CCDC148: variants seen among roughly 807,000 people sequenced by gnomAD.
CCDC148 encodes the protein coiled-coil domain-containing protein 148.
In CCDC148, 89 loss-of-function variants were observed where a neutral mutation model predicts 85.7. The ratio of observed to expected loss-of-function variants is 1.04; its 90% CI spans 0.87 to 1.24. CCDC148 has a LOEUF of 1.24. Ranked by LOEUF, CCDC148 falls within the 50% of genes most tolerant of loss-of-function variation. CCDC148 has a pLI of 0.00. For synonymous variants in CCDC148, 230 were observed against 213.9 expected (o/e 1.08, Z -0.66); for missense variants, 692 against 671.7 (o/e 1.03, Z -0.33).
At chr2:158,414,489 C>T (rs1245019228) in intron 1 of CCDC148, among the ~76,000 whole-genome samples, 1 of 152,022 alleles carries the variant, frequency 6.6e-6, no homozygotes, top group Non-Finnish European at 1.5e-5. Flanking sequence ...AGCCTATCAC[C>T]ACAAGAATAA....
chr2:158,315,999 C>A (rs1404176190), intron 7 of CCDC148, among the ~76,000 whole-genome samples: 1 of 152,216 alleles, frequency 6.6e-6, no homozygotes, highest in African/African-American at 2.4e-5. Flanking sequence ...TCACAGCCCT[C>A]CCTCTGAGAG....
Position 158,438,319 on chromosome 2 carries a change from C to T in CCDC148, c.25+18096G>A, listed in dbSNP as rs919682367. Among the ~76,000 whole-genome samples, 10 of 152,172 alleles carry T rather than the reference C, an allele frequency of 6.6e-5. No homozygotes were observed. The South Asian group carries it at 1.0e-3, about 16-fold the overall frequency. ...AGAACAGAGCCCTCAGAAATAATGC[C>T]GCATATCTACAACCATCTGATCTTT... is the stretch of plus-strand genomic sequence containing the variant. On this transcript the variant is annotated intron_variant, in intron 1 of 13. Coordinates refer to ENST00000283233, the MANE Select transcript of CCDC148 (RefSeq NM_138803.4).
intron 10 of CCDC148, among the ~76,000 whole-genome samples, chr2:158,224,007 C>T (rs963902513): frequency 6.6e-6 from 1 of 151,922 alleles, no homozygotes; most frequent in East Asian, 1.9e-4. Context: ...AGGCTTCAGA[C>T]GATCAAACTA....
At chr2:158,436,471 A>C (rs1456516892) in intron 1 of CCDC148, among the ~76,000 whole-genome samples, 2 of 152,224 alleles carry the variant, frequency 1.3e-5, no homozygotes, top group Non-Finnish European at 2.9e-5. Context: ...GGACACATTA[A>C]AAGCAGTGTG....
At chr2:158,403,549 C>T (rs186780140) in intron 1 of CCDC148, among the ~76,000 whole-genome samples, 4 of 152,130 alleles carry the variant, frequency 2.6e-5, no homozygotes, top group African/African-American at 7.2e-5. Flanking sequence ...GGTTCAGAAA[C>T]CTGACAGAGA....
rs1683773083 is a variant in CCDC148 at position 158,358,475 on chromosome 2, A to G, written c.121T>C (p.Leu41=). ...TTTAGCTTTGCAGAGGCAGAAGCCA[A>G]TTTCTTTGCTTCAGTTAATGCACGC... ...QLRALTEAKK[L]ASASAKLKIR... Residue 41 remains leucine (L), a synonymous_variant, in exon 2 of 14, where the codon TTG becomes CTG. Transcript: ENST00000283233. The G allele has an allele frequency of 7.5e-6, 12 of 1,607,336 alleles. No individual in the cohort carries two copies. The highest frequency in any genetic ancestry group is 1.0e-5 in the Non-Finnish European group (12 of 1,177,896).
At chr2:158,357,528 G>T (rs1683724706) in intron 2 of CCDC148, among the ~76,000 whole-genome samples, 1 of 152,090 alleles carries the variant, frequency 6.6e-6, no homozygotes, top group Non-Finnish European at 1.5e-5. Flanking sequence ...AATATGAAAA[G>T]TTTTGTTAGG....
chr2:158,355,505 A>C (rs1322743787), intron 2 of CCDC148, among the ~76,000 whole-genome samples: 2 of 150,216 alleles, frequency 1.3e-5, no homozygotes, highest in Non-Finnish European at 3.0e-5. Flanking sequence ...TAAAATACCT[A>C]GGAATCCAAC....
intron 7 of CCDC148, among the ~76,000 whole-genome samples, chr2:158,326,756 A>C (rs1692796150): frequency 6.6e-6 from 1 of 152,174 alleles, no homozygotes. Context: ...GTTTAATGAA[A>C]GAGGATACAA....
chr2:158,369,477 T>C (rs1282085728), intron 1 of CCDC148, among the ~76,000 whole-genome samples: 2 of 152,112 alleles, frequency 1.3e-5, no homozygotes, highest in African/African-American at 2.4e-5. Flanking sequence ...TCTGCTTGTC[T>C]ATTGTTGGTG....
chr2:158,302,642 G>A (rs1691497553), intron 9 of CCDC148, among the ~76,000 whole-genome samples: 1 of 152,094 alleles, frequency 6.6e-6, no homozygotes, highest in African/African-American at 2.4e-5. Context: ...AAATTAGCTG[G>A]GTGTGGTGGC....
intron 2 of CCDC148, among the ~76,000 whole-genome samples, chr2:158,351,514 C>A (rs1341109296): frequency 6.6e-6 from 1 of 151,738 alleles, no homozygotes; most frequent in Non-Finnish European, 1.5e-5. Context: ...TGCGCTTTTC[C>A]GACCGGCTTA....
At chr2:158,255,798 G>A (rs1007254818) in intron 9 of CCDC148, among the ~76,000 whole-genome samples, 2 of 151,722 alleles carry the variant, frequency 1.3e-5, no homozygotes. Flanking sequence ...AGGAGTGTGT[G>A]TTATAGGAAA....
At chr2:158,454,498 G>C (rs1354365314) in intron 1 of CCDC148, among the ~76,000 whole-genome samples, 1 of 152,232 alleles carries the variant, frequency 6.6e-6, no homozygotes, top group East Asian at 1.9e-4. Flanking sequence ...TGAAAACTAG[G>C]ACTGAGGTTT....
intron 11 of CCDC148, among the ~76,000 whole-genome samples, chr2:158,198,787 TA>T (rs1685805085): frequency 6.6e-6 from 1 of 152,200 alleles, no homozygotes; most frequent in African/African-American, 2.4e-5. Context: ...TTCTGTATGT[TA>T]CCAGCAGCAC....
intron 10 of CCDC148, among the ~76,000 whole-genome samples, chr2:158,228,629 T>C (rs969012308): frequency 2.0e-5 from 3 of 152,062 alleles, no homozygotes; most frequent in African/African-American, 7.2e-5. Context: ...TATGTGGCCA[T>C]AAAAAATGAT....
intron 2 of CCDC148, among the ~76,000 whole-genome samples, chr2:158,347,160 T>C (rs1326041426): frequency 6.6e-6 from 1 of 152,298 alleles, no homozygotes; most frequent in South Asian, 2.1e-4. Flanking sequence ...ACACAGTCTC[T>C]AAAGTTTGTT....
At chr2:158,279,942 A>G (rs2105173537) in intron 9 of CCDC148, among the ~76,000 whole-genome samples, 1 of 151,842 alleles carries the variant, frequency 6.6e-6, no homozygotes, top group East Asian at 1.9e-4. Context: ...CAGAAACTCT[A>G]CAAGCCAGAA....
At chr2:158,204,774 A>G (rs1686151622) in intron 11 of CCDC148, among the ~76,000 whole-genome samples, 1 of 152,202 alleles carries the variant, frequency 6.6e-6, no homozygotes, top group Non-Finnish European at 1.5e-5. Context: ...TACACCAAGA[A>G]GACATAACTT....
Sources: gnomAD v4.1 joint callset for allele counts (sites outside exome capture counted in the v4.1 genomes callset) on GRCh38, gnomAD v4.1.1 for gene constraint, MANE v1.5 for transcripts, NCBI Gene and HGNC (gene_info 2026-07-23, HGNC 2026-07-21) for gene names.